Variants in LRRC37A2 observed in about 807,000 individuals in gnomAD.
LRRC37A2 encodes the protein leucine rich repeat containing 37 member A2.
A neutral mutation model predicts 68.8 loss-of-function variants in LRRC37A2; 9 were observed. The ratio of observed to expected loss-of-function variants is 0.13; its 90% CI spans 0.08 to 0.23. LRRC37A2 has a LOEUF of 0.23. Ranked by LOEUF, LRRC37A2 falls within the 10% of genes least tolerant of loss-of-function variation. LRRC37A2 has a pLI of 1.00. For synonymous variants in LRRC37A2, 63 were observed against 367.6 expected, an observed-to-expected ratio of 0.17 and a Z score of 9.48; for missense variants, 168 against 950.4, an observed-to-expected ratio of 0.18 and a Z score of 10.82.
chr17:46,771,064 T>G, the LRRC37A2 span, among the ~76,000 whole-genome samples: 7,258 of 152,272 alleles, frequency 0.048, 576 homozygotes, highest in African/African-American at 0.16. Flanking sequence ...CCTCCCCTCC[T>G]GGGCTGTGGG....
chr17:47,018,255 C>T, the LRRC37A2 span: 1 of 1,611,558 alleles, frequency 6.2e-7, no homozygotes. Context: ...GGAGCATGAA[C>T]TTTCCATCAG....
the LRRC37A2 span, among the ~76,000 whole-genome samples, chr17:47,013,818 T>C: frequency 2.1e-4 from 32 of 152,304 alleles, no homozygotes; most frequent in African/African-American, 7.5e-4. Context: ...ACAGTTTAAT[T>C]CAAGTATGTG....
At chr17:46,806,165 G>A in the LRRC37A2 span, among the ~76,000 whole-genome samples, 1 of 150,676 alleles carries the variant, frequency 6.6e-6, no homozygotes, top group East Asian at 1.9e-4. Context: ...GTTGGGTCCT[G>A]TGATCCTCGG....
At chr17:46,390,066 G>C in the LRRC37A2 span, among the ~76,000 whole-genome samples, 1 of 149,370 alleles carries the variant, frequency 6.7e-6, no homozygotes, top group Admixed American at 6.7e-5. Context: ...GTTTGGGACC[G>C]GGGTGCCAGT....
chr17:46,773,623 T>TAC, the LRRC37A2 span: 3 of 383,492 alleles, frequency 7.8e-6, no homozygotes, highest in South Asian at 1.9e-5. Flanking sequence ...TCCTGATCCC[T>TAC]CCCCCCACCC....
the LRRC37A2 span, among the ~76,000 whole-genome samples, chr17:46,905,052 G>A: frequency 1.4e-4 from 22 of 152,162 alleles, no homozygotes; most frequent in South Asian, 2.5e-3. Flanking sequence ...GAATGGCAGC[G>A]GCCCTAGAGA....
chr17:46,885,344 C>G, the LRRC37A2 span: 2 of 226,954 alleles, frequency 8.8e-6, no homozygotes, highest in Non-Finnish European at 1.7e-5. Context: ...GCTCTGTCAC[C>G]CAGGCTGGAG....
chr17:46,946,281 C>CAAAA, the LRRC37A2 span, among the ~76,000 whole-genome samples: 1 of 29,948 alleles, frequency 3.3e-5, no homozygotes. Context: ...ACTAAAAATA[C>CAAAA]CAAAAAAAAA....
the LRRC37A2 span, chr17:46,602,634 T>C: frequency 9.1e-6 from 1 of 110,162 alleles, no homozygotes; most frequent in Non-Finnish European, 1.8e-5. Context: ...GAAGTGTTTT[T>C]AGTGTTATGT....
At chr17:46,896,429 A>AGAAG in the LRRC37A2 span, among the ~76,000 whole-genome samples, 1 of 93,330 alleles carries the variant, frequency 1.1e-5, no homozygotes, top group African/African-American at 8.3e-5. Flanking sequence ...AAAGAAAGAA[A>AGAAG]GAAAGAAAGA....
At chr17:46,929,855 C>CCTG in the LRRC37A2 span, 1 of 424,630 alleles carries the variant, frequency 2.4e-6, no homozygotes, top group Non-Finnish European at 4.4e-6. Context: ...CTATCTTAAT[C>CCTG]TAATTACCTA....
the LRRC37A2 span, among the ~76,000 whole-genome samples, chr17:47,002,613 C>T: frequency 3.4e-4 from 52 of 152,290 alleles, no homozygotes; most frequent in African/African-American, 1.2e-3. Context: ...TGGTCTCAAA[C>T]TCCTGACCTC....
chr17:46,905,143 C>G, the LRRC37A2 span, among the ~76,000 whole-genome samples: 1 of 151,924 alleles, frequency 6.6e-6, no homozygotes, highest in African/African-American at 2.4e-5. Context: ...TCCATCTCGG[C>G]TCACTGCAAC....
chr17:46,872,649 G>T, the LRRC37A2 span: 1 of 1,613,658 alleles, frequency 6.2e-7, no homozygotes, highest in Non-Finnish European at 8.5e-7. Flanking sequence ...TCTGCCGGAG[G>T]GAGCCCGGCC....
At chr17:46,876,562 C>T in the LRRC37A2 span, 2 of 1,613,626 alleles carry the variant, frequency 1.2e-6, no homozygotes, top group South Asian at 1.1e-5. Context: ...GGGTGTGCTC[C>T]CGGGAGGCCA....
chr17:46,768,284 GC>G, the LRRC37A2 span: 1 of 1,612,310 alleles, frequency 6.2e-7, no homozygotes. The surrounding 1 kb of genome is among the most constrained non-coding windows in gnomAD (Gnocchi z 5.0). Context: ...CAGGCTCCCA[GC>G]CTCCCCCCTG....
the LRRC37A2 span, among the ~76,000 whole-genome samples, chr17:46,765,033 A>G: frequency 6.6e-6 from 1 of 152,270 alleles, no homozygotes; most frequent in Admixed American, 6.5e-5. Flanking sequence ...AAATAGCTTG[A>G]TAATGAGCTG....
chr17:46,874,871 C>T, the LRRC37A2 span: 7 of 673,896 alleles, frequency 1.0e-5, no homozygotes, highest in African/African-American at 1.1e-4. Flanking sequence ...AGCCACTGTG[C>T]CCAGCCTGGA....
At chr17:46,975,295 C>A in the LRRC37A2 span, 1 of 152,132 alleles carries the variant, frequency 6.6e-6, no homozygotes. Context: ...GGATCCCAGG[C>A]CTTCTCTCTT....
Sources: gnomAD v4.1 joint callset for allele counts (sites outside exome capture counted in the v4.1 genomes callset) on GRCh38, gnomAD v4.1.1 for gene constraint, Gnocchi (gnomAD v3.1) non-coding constraint, MANE v1.5 for transcripts, NCBI Gene and HGNC (gene_info 2026-07-23, HGNC 2026-07-21) for gene names.